The following RFX4 variants were observed in gnomAD, a reference collection of about 807,000 sequenced individuals.
RFX4 encodes the protein regulatory factor X4, also known as transcription factor RFX4.
RFX4 carries 10 observed loss-of-function variants against 95.0 expected under a neutral mutation model. The ratio of observed to expected loss-of-function variants is 0.11; its 90% CI spans 0.06 to 0.18. The LOEUF is 0.18. RFX4 is among the 10% of genes least tolerant of loss of function. The probability of loss-of-function intolerance (pLI) is 1.00; values close to 1 mark genes in which losing one functional copy is unlikely to be tolerated. For missense variants in RFX4, 640 were observed against 922.0 expected, an observed-to-expected ratio of 0.69 and a Z score of 3.96; for synonymous variants, 321 against 340.7, an observed-to-expected ratio of 0.94 and a Z score of 0.64.
chr12:106,640,765 T>C (rs547079899), intron 3 of RFX4, among the ~76,000 whole-genome samples: 2 of 149,784 alleles, frequency 1.3e-5, no homozygotes, highest in East Asian at 3.9e-4. Context: ...TAGACATGCA[T>C]GGAATTGACA....
chr12:106,689,857 G>A (rs547709888), intron 7 of RFX4, among the ~76,000 whole-genome samples: 20 of 152,196 alleles, frequency 1.3e-4, no homozygotes, highest in African/African-American at 4.8e-4. Flanking sequence ...TAGGGCCATC[G>A]TTAAATACAA....
At chr12:106,663,222 T>G (rs1565969738) in intron 4 of RFX4, among the ~76,000 whole-genome samples, 1 of 152,092 alleles carries the variant, frequency 6.6e-6, no homozygotes, top group Non-Finnish European at 1.5e-5. Context: ...TAGTTCTTCT[T>G]TGATTTAGTT....
rs749868200 is a variant in RFX4, at chr12:106,608,841, T to C, written c.88T>C (p.Tyr30His). 11 of 1,612,816 alleles carry C rather than the reference T, an allele frequency of 6.8e-6. No homozygotes were observed. The highest frequency in any genetic ancestry group is 2.2e-5 in the South Asian group (2 of 90,732). Residue 30 changes from tyrosine to histidine, a missense_variant, in exon 2 of 18, where the codon TAT (tyrosine) becomes CAT (histidine). By Grantham distance (83) the Tyr-to-His change is moderately conservative. Coordinates refer to ENST00000392842, the MANE Select transcript of RFX4 (RefSeq NM_213594.3). ...TCTCAACGAAAGTGAAAACAAACGT[T>C]ATTCCAGCCACACATCTCTGGGGAA... ...RCLNESENKR[Y>H]SSHTSLGNVS...
At chr12:106,622,781 C>T (rs1405608005) in intron 2 of RFX4, among the ~76,000 whole-genome samples, 1 of 151,736 alleles carries the variant, frequency 6.6e-6, no homozygotes, top group African/African-American at 2.4e-5. Context: ...CCACCACGTC[C>T]AACTAATTTT....
chr12:106,749,133 G>A (rs531446030), intron 16 of RFX4, among the ~76,000 whole-genome samples: 2 of 151,498 alleles, frequency 1.3e-5, no homozygotes, highest in South Asian at 4.2e-4. Context: ...GTGGGTGCCT[G>A]TAGCCCCAGC....
intron 3 of RFX4, among the ~76,000 whole-genome samples, chr12:106,650,058 A>C (rs1240607769): frequency 6.6e-6 from 1 of 152,180 alleles, no homozygotes; most frequent in Non-Finnish European, 1.5e-5. Context: ...CCAGGCTTTG[A>C]TCGTCCTCCT....
intron 4 of RFX4, among the ~76,000 whole-genome samples, chr12:106,667,752 G>T (rs1017031255): frequency 3.3e-5 from 5 of 152,180 alleles, no homozygotes; most frequent in Admixed American, 2.0e-4. Flanking sequence ...AACCCAAGAA[G>T]AATTGTTGAT....
chr12:106,726,365 CT>C (rs1475413865), intron 13 of RFX4, among the ~76,000 whole-genome samples: 3 of 152,052 alleles, frequency 2.0e-5, no homozygotes, highest in Non-Finnish European at 2.9e-5. Flanking sequence ...GTCCTCAGTG[CT>C]GCTTTGCCCA....
At chr12:106,664,947 T>C (rs1175352605) in intron 4 of RFX4, among the ~76,000 whole-genome samples, 1 of 151,908 alleles carries the variant, frequency 6.6e-6, no homozygotes, top group Non-Finnish European at 1.5e-5. Context: ...TCTATCTTGA[T>C]GAATGTGCCA....
chr12:106,613,893 A>G (rs2040014356), intron 2 of RFX4, among the ~76,000 whole-genome samples: 1 of 152,202 alleles, frequency 6.6e-6, no homozygotes. Flanking sequence ...TAGAATTGCT[A>G]GATCATAATG....
chr12:106,738,656 G>T (rs1191090301), intron 15 of RFX4, among the ~76,000 whole-genome samples: 4 of 152,174 alleles, frequency 2.6e-5, no homozygotes, highest in African/African-American at 9.6e-5. Context: ...CATTAAAAAT[G>T]TCATCCTATA....
rs1157923361 is a variant in RFX4, at chr12:106,586,474, A to T, written c.43+3111A>T. ...ATTTTAGGCCACCGAGAACTTGTGC[A>T]AAGTGGGCCGGGCCGGGTCGGTCGC... On this transcript the variant is annotated intron_variant, in intron 1 of 17. Coordinates refer to ENST00000392842, the MANE Select transcript of RFX4 (RefSeq NM_213594.3). The surrounding 1 kb of genome is among the most constrained non-coding windows in gnomAD (Gnocchi z 5.6). 6.6e-6 allele frequency among the ~76,000 whole-genome samples: 1 copy of T among 151,876 alleles called. No homozygotes were observed. Among genetic ancestry groups the T allele is most frequent in the Non-Finnish European group, 1.5e-5 (1 of 67,980 alleles).
At chr12:106,614,318 GCCCAACTAATT>G (rs1248108747) in intron 2 of RFX4, among the ~76,000 whole-genome samples, 1 of 151,730 alleles carries the variant, frequency 6.6e-6, no homozygotes, top group Admixed American at 6.6e-5. Flanking sequence ...ATGCCACCAT[GCCCAACTAATT>G]TTTGTATTTT....
At chr12:106,671,830 T>C (rs926842411) in intron 4 of RFX4, among the ~76,000 whole-genome samples, 1 of 151,998 alleles carries the variant, frequency 6.6e-6, no homozygotes, top group African/African-American at 2.4e-5. Flanking sequence ...CCTGACTAGT[T>C]TTTTGTATTT....
At chr12:106,687,757 A>G (rs1188052446) in intron 6 of RFX4, among the ~76,000 whole-genome samples, 1 of 152,102 alleles carries the variant, frequency 6.6e-6, no homozygotes, top group Non-Finnish European at 1.5e-5. Flanking sequence ...TTGCTCTGTC[A>G]ATCTCTATCA....
intron 3 of RFX4, among the ~76,000 whole-genome samples, chr12:106,653,277 A>T (rs1007251850): frequency 2.6e-5 from 4 of 152,174 alleles, no homozygotes; most frequent in Admixed American, 2.0e-4. Context: ...TTATATCCCC[A>T]ATATTTAGCA....
At chr12:106,657,573 C>A (rs868185715) in intron 4 of RFX4, among the ~76,000 whole-genome samples, 15 of 152,316 alleles carry the variant, frequency 9.8e-5, no homozygotes, top group Middle Eastern at 3.4e-3. Flanking sequence ...AAGCTTCTAG[C>A]TGAACTGGTC....
chr12:106,636,527 A>G (rs528506676), intron 2 of RFX4, among the ~76,000 whole-genome samples: 8 of 152,328 alleles, frequency 5.3e-5, no homozygotes, highest in African/African-American at 1.9e-4. Flanking sequence ...GAGAGTATCA[A>G]GGAAGGCTTC....
intron 2 of RFX4, among the ~76,000 whole-genome samples, chr12:106,613,336 G>A (rs1177971798): frequency 1.3e-5 from 2 of 149,534 alleles, no homozygotes; most frequent in Non-Finnish European, 3.0e-5. Context: ...AATTCTGTTT[G>A]TTAGTATTTT....
Sources: gnomAD v4.1 joint callset for allele counts (sites outside exome capture counted in the v4.1 genomes callset) on GRCh38, gnomAD v4.1.1 for gene constraint, Gnocchi (gnomAD v3.1) non-coding constraint, MANE v1.5 for transcripts, NCBI Gene and HGNC (gene_info 2026-07-23, HGNC 2026-07-21) for gene names.